GRIN2B: variants seen among roughly 807,000 people sequenced by gnomAD.
GRIN2B encodes the protein glutamate ionotropic receptor NMDA type subunit 2B, also known as glutamate receptor ionotropic, NMDA 2B.
A neutral mutation model predicts 114.5 loss-of-function variants in GRIN2B; 5 were observed. The observed-to-expected ratio is 0.04, with a 90% CI of 0.02 to 0.09. The LOEUF is 0.09. GRIN2B is among the 10% of genes least tolerant of loss of function. The pLI is 1.00. For synonymous variants in GRIN2B, 787 were observed against 745.1 expected (o/e 1.06, Z -0.92); for missense variants, 1,108 against 1,943.5 (o/e 0.57, Z 8.08).
chr12:13,669,215 C>T (rs917600241), intron 5 of GRIN2B, among the ~76,000 whole-genome samples: 1 of 151,992 alleles, frequency 6.6e-6, no homozygotes, highest in African/African-American at 2.4e-5. Flanking sequence ...TATAAACCCT[C>T]TCTGCTTGAT....
At chr12:13,718,859 A>C (rs988739366) in intron 4 of GRIN2B, among the ~76,000 whole-genome samples, 1 of 152,084 alleles carries the variant, frequency 6.6e-6, no homozygotes, top group African/African-American at 2.4e-5. Flanking sequence ...GAAGATATGC[A>C]TCAATGAGCA....
At chr12:13,746,553 G>T (rs1326541095) in intron 4 of GRIN2B, among the ~76,000 whole-genome samples, 1 of 152,006 alleles carries the variant, frequency 6.6e-6, no homozygotes, top group African/African-American at 2.4e-5. Flanking sequence ...TCAGTTAAAT[G>T]TAACTCTTTC....
chr12:13,962,727 C>G (rs778925382), intron 2 of GRIN2B, among the ~76,000 whole-genome samples: 3 of 152,172 alleles, frequency 2.0e-5, no homozygotes, highest in Non-Finnish European at 4.4e-5. Flanking sequence ...GGCGGGCGGG[C>G]GGGCTGACCT....
chr12:13,920,908 C>T (rs1266484252), intron 2 of GRIN2B, among the ~76,000 whole-genome samples: 3 of 152,164 alleles, frequency 2.0e-5, no homozygotes, highest in Non-Finnish European at 4.4e-5. Context: ...TGAATCCTGA[C>T]TAATACATTA....
chr12:13,706,175 T>A (rs1349894149), intron 4 of GRIN2B, among the ~76,000 whole-genome samples: 1 of 151,980 alleles, frequency 6.6e-6, no homozygotes, highest in Non-Finnish European at 1.5e-5. Context: ...TTTGATTTGA[T>A]GAGTCTCTTA....
chr12:13,863,233 T>C (rs923608019), intron 3 of GRIN2B, among the ~76,000 whole-genome samples: 1 of 152,206 alleles, frequency 6.6e-6, no homozygotes, highest in Non-Finnish European at 1.5e-5. Flanking sequence ...TATGGAACTG[T>C]GCTACACTTA....
At chr12:13,607,063 C>T (rs1169718887) in intron 10 of GRIN2B, among the ~76,000 whole-genome samples, 9 of 145,406 alleles carry the variant, frequency 6.2e-5, no homozygotes, top group South Asian at 2.1e-4. Context: ...TACACAGCAG[C>T]GGCCCTCTAG....
intron 4 of GRIN2B, among the ~76,000 whole-genome samples, chr12:13,731,935 C>T (rs1353246357): frequency 6.6e-6 from 1 of 152,174 alleles, no homozygotes; most frequent in Non-Finnish European, 1.5e-5. Context: ...AGTTAAATGA[C>T]ATTAATCTAC....
At chr12:13,958,316 G>A (rs769494305) in intron 2 of GRIN2B, among the ~76,000 whole-genome samples, 1 of 152,128 alleles carries the variant, frequency 6.6e-6, no homozygotes, top group African/African-American at 2.4e-5. Context: ...ATGGGACCCC[G>A]GAATTCACAA....
chr12:13,967,534 T>C (rs956073810), intron 2 of GRIN2B, among the ~76,000 whole-genome samples: 2 of 152,218 alleles, frequency 1.3e-5, no homozygotes, highest in Non-Finnish European at 2.9e-5. Context: ...AATTGGTCAA[T>C]TCATGGAAAG....
At chr12:13,726,464 G>C (rs1862987537) in intron 4 of GRIN2B, among the ~76,000 whole-genome samples, 1 of 150,656 alleles carries the variant, frequency 6.6e-6, no homozygotes, top group African/African-American at 2.5e-5. Flanking sequence ...GAACTCAGGA[G>C]GTGGAGGTTA....
At chr12:13,918,238 A>G (rs1452245864) in intron 2 of GRIN2B, among the ~76,000 whole-genome samples, 2 of 152,212 alleles carry the variant, frequency 1.3e-5, no homozygotes, top group Non-Finnish European at 2.9e-5. Context: ...AAAGATTAAC[A>G]TAATGATGTG....
At position 13,611,766 on chromosome 12, in the gene GRIN2B, A is replaced by T. The variant is rs199801114; in HGVS notation, c.1739T>A (p.Phe580Tyr). 5.0e-6 allele frequency: 8 copies of T among 1,613,610 alleles called. No individual in the cohort carries two copies. The highest frequency in any genetic ancestry group is 5.9e-6 in the Non-Finnish European group (7 of 1,179,606). The change falls in exon 9 of 14, where the codon TTC (phenylalanine) becomes TAC (tyrosine). Residue 580 changes from phenylalanine to tyrosine, a missense_variant. By Grantham distance (22) the Phe-to-Tyr change is conservative (BLOSUM62 3). Transcript: ENST00000609686. The part of the protein sequence containing the change: ...SAVAVFVFEY[F>Y]SPVGYNRCLA... ...GCACCTGTTATAACCCACAGGGCTG[A>T]AGTACTCAAAGACAAAGACAGCCAC...
chr12:13,745,348 A>C (rs947179231), intron 4 of GRIN2B, among the ~76,000 whole-genome samples: 25 of 152,182 alleles, frequency 1.6e-4, no homozygotes, highest in African/African-American at 5.8e-4. Flanking sequence ...TTCCTAAATA[A>C]TACCAGCTTC....
intron 2 of GRIN2B, among the ~76,000 whole-genome samples, chr12:13,964,022 A>G (rs930623524): frequency 2.0e-5 from 3 of 152,176 alleles, no homozygotes; most frequent in African/African-American, 4.8e-5. Context: ...TGGAGACTTA[A>G]TCTCTGGCTG....
chr12:13,607,086 C>T (rs1324070817), intron 10 of GRIN2B, among the ~76,000 whole-genome samples: 1 of 143,174 alleles, frequency 7.0e-6, no homozygotes. Flanking sequence ...ACACCCCACA[C>T]TGGCAGCCCT....
At chr12:13,817,679 G>A (rs907060123) in intron 3 of GRIN2B, among the ~76,000 whole-genome samples, 1 of 152,114 alleles carries the variant, frequency 6.6e-6, no homozygotes, top group Non-Finnish European at 1.5e-5. Flanking sequence ...TTTTTTAAAT[G>A]TCCCCAGAAT....
chr12:13,769,615 T>C (rs932313157), intron 3 of GRIN2B, among the ~76,000 whole-genome samples: 1 of 152,356 alleles, frequency 6.6e-6, no homozygotes, highest in African/African-American at 2.4e-5. Flanking sequence ...AGTCAAATCA[T>C]GCACTTGAAG....
chr12:13,803,860 A>T (rs1864557573), intron 3 of GRIN2B, among the ~76,000 whole-genome samples: 1 of 152,296 alleles, frequency 6.6e-6, no homozygotes, highest in South Asian at 2.1e-4. Flanking sequence ...GTAGCGAGTC[A>T]ACCCAGTTGG....
Sources: allele counts gnomAD v4.1 joint callset (sites outside exome capture counted in the v4.1 genomes callset), GRCh38; gene constraint gnomAD v4.1.1; transcripts MANE v1.5; gene names NCBI Gene and HGNC (gene_info 2026-07-23, HGNC 2026-07-21).